The following FRK variants were observed in gnomAD, a reference collection of about 807,000 sequenced individuals.
FRK encodes the protein tyrosine-protein kinase FRK.
Under a neutral mutation model 56.4 loss-of-function variants are expected in FRK, and 51 were observed. That is an observed-to-expected ratio of 0.90 (90% CI 0.72 to 1.14). FRK has a LOEUF of 1.14. Ranked by LOEUF, FRK falls within the 50% of genes most tolerant of loss-of-function variation. FRK has a pLI of 0.00. For missense variants in FRK, 570 were observed against 601.4 expected, an observed-to-expected ratio of 0.95 and a Z score of 0.55; for synonymous variants, 245 against 217.9, an observed-to-expected ratio of 1.12 and a Z score of -1.10.
rs561316320 is a variant in FRK, at chr6:115,954,003, G to C, written c.958+2449C>G. Among the ~76,000 whole-genome samples, 4 of 152,230 alleles carry C rather than the reference G, an allele frequency of 2.6e-5. No homozygotes were observed. In the South Asian group the frequency reaches 8.3e-4, roughly 32 times the overall value. On this transcript the variant is annotated intron_variant, in intron 5 of 7. Transcript: ENST00000606080. ...AGATAAAATAAAAAGCAAGGGAAGA[G>C]GAATACTTTAAGAGTCAGTAGAAAG...
rs1372394794 is a variant in FRK at position 115,953,194 on chromosome 6, T to G, written c.958+3258A>C. Among the ~76,000 whole-genome samples the G allele has an allele frequency of 1.1e-3, 135 of 123,236 alleles. 2 individuals carry two copies. Among genetic ancestry groups the G allele is most frequent in the Middle Eastern group, 3.7e-3 (1 of 272 alleles). The allele number at this position is 123,236 out of a possible 152,430, so 80.8% of individuals were successfully genotyped here. ...ATTTTAAGGCCATTTTTTTTTTTTT[T>G]TTTTTTTTTTTTTGAGACGGAGTCT... is the stretch of plus-strand genomic sequence containing the variant. On this transcript the variant is annotated intron_variant, in intron 5 of 7. Coordinates refer to ENST00000606080, the MANE Select transcript of FRK (RefSeq NM_002031.3).
rs1772023043 is a variant in FRK at position 115,935,228 on chromosome 6, C to T, written c.*7186G>A. The T allele has an allele frequency of 6.6e-6, 1 of 152,506 alleles. No homozygotes were observed. The highest frequency in any genetic ancestry group is 1.5e-5 in the Non-Finnish European group (1 of 68,286). 9.4% of individuals were successfully genotyped at this position (152,506 alleles called of 1,614,324 possible). A position where few individuals can be genotyped will look rare whatever the true frequency, so the allele number is the denominator to read the frequency against. On this transcript the variant is annotated 3_prime_UTR_variant, in exon 8 of 8. Coordinates refer to ENST00000606080, the MANE Select transcript of FRK (RefSeq NM_002031.3). ...GAAACAGGGTGGGGTGTCACCTCAC[C>T]CAGGAAGCACAAGGGGTCAGGGAAC...
intron 1 of FRK, among the ~76,000 whole-genome samples, chr6:116,030,840 T>C (rs559374179): frequency 2.0e-5 from 3 of 152,262 alleles, no homozygotes; most frequent in Admixed American, 6.5e-5. Context: ...ACCCAATTTA[T>C]AGCTAGTTGG....
In FRK at chr6:115,968,578, T is replaced by G; in HGVS notation, c.628A>C (p.Lys210Gln). The G allele has an allele frequency of 6.2e-7, 1 of 1,610,362 alleles. No homozygotes were observed. The highest frequency in any genetic ancestry group is 8.5e-7 in the Non-Finnish European group (1 of 1,178,858). The stretch of plus-strand genomic sequence containing the variant: ...ACACAGCTTGAAAGCATTTTCACCT[T>G]TAAGCATGGTTTCCCCAGCTTGACA... ...LCVKLGKPCL[K>Q]IQVPAPFDLS... The change falls in exon 3 of 8, where the codon AAG becomes CAG. Residue 210 changes from lysine to glutamine, a missense_variant and splice_region_variant. By Grantham distance (53) the Lys-to-Gln change is moderately conservative. Coordinates refer to ENST00000606080, the MANE Select transcript of FRK (RefSeq NM_002031.3).
At chr6:115,970,441 A>G (rs992959361) in intron 2 of FRK, among the ~76,000 whole-genome samples, 26 of 152,250 alleles carry the variant, frequency 1.7e-4, no homozygotes, top group African/African-American at 6.0e-4. Flanking sequence ...ATGTTCATCA[A>G]CACATAAATA....
intron 1 of FRK, among the ~76,000 whole-genome samples, chr6:116,052,200 G>A (rs1319449477): frequency 6.6e-6 from 1 of 152,142 alleles, no homozygotes; most frequent in African/African-American, 2.4e-5. Context: ...CTCCCCAGAG[G>A]TGGATTAGAG....
intron 2 of FRK, among the ~76,000 whole-genome samples, chr6:115,985,831 A>G (rs1247541793): frequency 6.6e-6 from 1 of 151,582 alleles, no homozygotes; most frequent in Non-Finnish European, 1.5e-5. Flanking sequence ...CTTCTGTTCC[A>G]ATCTGGAGTG....
At position 116,014,072 on chromosome 6, in the gene FRK, A is replaced by G. The variant is rs1280488845; in HGVS notation, c.345-10074T>C. Among the ~76,000 whole-genome samples the G allele has an allele frequency of 2.0e-5, 3 of 152,206 alleles. No individual in the cohort carries two copies. The East Asian group carries it at 5.8e-4, about 29-fold the overall frequency. ...TCATTTTAACACTCAGTGATGCACT[A>G]TGATGTCACTGAGCTTCATTAAATC... On this transcript the variant is annotated intron_variant, in intron 1 of 7. Coordinates refer to ENST00000606080, the MANE Select transcript of FRK (RefSeq NM_002031.3).
chr6:116,011,052 C>T (rs1394597643), intron 1 of FRK, among the ~76,000 whole-genome samples: 1 of 151,454 alleles, frequency 6.6e-6, no homozygotes, highest in Non-Finnish European at 1.5e-5. Context: ...CTGTGATTAA[C>T]TGGACGTGCT....
At chr6:116,077,111 T>C in the FRK span, among the ~76,000 whole-genome samples, 4 of 152,216 alleles carry the variant, frequency 2.6e-5, no homozygotes, top group African/African-American at 4.8e-5. Context: ...GTAATTCATA[T>C]AGAAATAGAG....
chr6:115,989,637 T>A (rs1774516870), intron 2 of FRK, among the ~76,000 whole-genome samples: 1 of 151,814 alleles, frequency 6.6e-6, no homozygotes, highest in African/African-American at 2.4e-5. Flanking sequence ...TCTTTCTTAG[T>A]ATAGTATTCC....
the FRK span, among the ~76,000 whole-genome samples, chr6:116,085,713 GGT>G: frequency 4.4e-4 from 65 of 148,880 alleles, no homozygotes; most frequent in Non-Finnish European, 6.3e-4. Context: ...TGTGTGTGTG[GGT>G]GTGTGTGTGT....
the FRK span, among the ~76,000 whole-genome samples, chr6:116,082,809 A>G: frequency 6.6e-6 from 1 of 152,204 alleles, no homozygotes; most frequent in African/African-American, 2.4e-5. Flanking sequence ...TAAATTCAGA[A>G]GAGAGGTCAA....
chr6:115,942,552 C>T lies in FRK; in HGVS notation c.1380G>A (p.Gln460=), dbSNP rs1458631618. The T allele has an allele frequency of 1.2e-6, 2 of 1,613,780 alleles. No homozygotes were observed. Among genetic ancestry groups the T allele is most frequent in the Non-Finnish European group, 1.7e-6 (2 of 1,179,810 alleles). ...ACTCCAACATGATGTTGTAAAATTG[C>T]TGTGGACAGTTGGATGGTTGCGGAA... ...YRLPQPSNCP[Q]QFYNIMLECW... Residue 460 remains glutamine, a synonymous_variant, in exon 8 of 8, where the codon CAG becomes CAA. Transcript: ENST00000606080.
rs1266562672 is a variant in FRK, at chr6:115,940,855, G to A, written c.*1559C>T. ...AGGATGCTGTTTTGGATGCCAAAGA[G>A]GATGTGGAGAAATAGGAACACATTT... On this transcript the variant is annotated 3_prime_UTR_variant, in exon 8 of 8. Coordinates refer to ENST00000606080, the MANE Select transcript of FRK (RefSeq NM_002031.3). The A allele has an allele frequency of 6.6e-6, 1 of 152,174 alleles. No individual in the cohort carries two copies. Among genetic ancestry groups the A allele is most frequent in the Non-Finnish European group, 1.5e-5 (1 of 68,030 alleles). 9.4% of individuals were successfully genotyped at this position (152,174 alleles called of 1,614,324 possible).
intron 5 of FRK, among the ~76,000 whole-genome samples, chr6:115,950,276 C>G (rs1260900147): frequency 6.6e-6 from 1 of 152,126 alleles, no homozygotes; most frequent in Non-Finnish European, 1.5e-5. Flanking sequence ...TTTTTGCAAT[C>G]TATCCATCTG....
At chr6:116,100,705 T>G in the FRK span, 1 of 341,122 alleles carries the variant, frequency 2.9e-6, no homozygotes, top group Non-Finnish European at 5.2e-6. Context: ...GCTGACTACC[T>G]GACTCCGGGC....
intron 1 of FRK, among the ~76,000 whole-genome samples, chr6:116,041,770 T>C (rs763760937): frequency 2.0e-5 from 3 of 152,224 alleles, no homozygotes; most frequent in Non-Finnish European, 4.4e-5. Context: ...GAGATTCCCT[T>C]GGGTGCCAAT....
chr6:115,975,471 G>A (rs1315281962), intron 2 of FRK, among the ~76,000 whole-genome samples: 1 of 152,094 alleles, frequency 6.6e-6, no homozygotes, highest in African/African-American at 2.4e-5. Flanking sequence ...TCATCTGTTA[G>A]TGGTGAGTTC....
Sources: gnomAD v4.1 joint callset for allele counts (sites outside exome capture counted in the v4.1 genomes callset) on GRCh38, gnomAD v4.1.1 for gene constraint, MANE v1.5 for transcripts, NCBI Gene and HGNC (gene_info 2026-07-23, HGNC 2026-07-21) for gene names.